NT5E: variants seen among roughly 807,000 people sequenced by gnomAD.
The protein encoded by NT5E is 5'-nucleotidase ecto.
NT5E carries 53 observed loss-of-function variants against 55.1 expected under a neutral mutation model. That is an observed-to-expected ratio of 0.96 (90% CI 0.77 to 1.21). The LOEUF (loss-of-function observed/expected upper bound fraction) is 1.21. Ranked by LOEUF, NT5E falls within the 50% of genes most tolerant of loss-of-function variation. NT5E has a pLI of 0.00. For missense variants in NT5E, 683 were observed against 724.3 expected (o/e 0.94, Z 0.65); for synonymous variants, 270 against 278.4 (o/e 0.97, Z 0.30).
intron 5 of NT5E, 78 bp downstream of exon 5, chr6:85,487,567 G>T (rs1262900940): frequency 1.3e-5 from 20 of 1,553,984 alleles, no homozygotes; most frequent in Non-Finnish European, 1.8e-5. Context: ...ATGCGAGAAG[G>T]GATAGATCGA....
chr6:85,459,893 C>T (rs1190025852), intron 1 of NT5E, among the ~76,000 whole-genome samples: 6 of 152,190 alleles, frequency 3.9e-5, no homozygotes, highest in Admixed American at 3.9e-4. Context: ...TGAAGATATT[C>T]TGAATCCAAG....
chr6:85,485,813 G>A (rs1769642844), intron 4 of NT5E, among the ~76,000 whole-genome samples: 1 of 152,198 alleles, frequency 6.6e-6, no homozygotes, highest in Non-Finnish European at 1.5e-5. Flanking sequence ...TGTGCCTTAG[G>A]CAAGTTGCCC....
intron 7 of NT5E, 64 bp from the exon 8 acceptor site, chr6:85,491,913 A>G: frequency 2.6e-6 from 4 of 1,531,624 alleles, no homozygotes; most frequent in Middle Eastern, 3.4e-4. Flanking sequence ...AGTTTGGCCA[A>G]AATTCCTTAG....
intron 7 of NT5E, among the ~76,000 whole-genome samples, chr6:85,490,878 G>A (rs931111473): frequency 2.6e-5 from 4 of 152,214 alleles, no homozygotes; most frequent in African/African-American, 7.2e-5. Context: ...GCAATAAGCA[G>A]TATTTGCCAA....
chr6:85,471,149 G>C, intron 2 of NT5E, 88 bp from the exon 3 acceptor site: 1 of 856,354 alleles, frequency 1.2e-6, no homozygotes. Flanking sequence ...GTAAATTAAG[G>C]TGTTTAACCT....
At position 85,492,081 on chromosome 6, in the gene NT5E, A is replaced by T. The variant is rs759736185; in HGVS notation, c.1465A>T (p.Met489Leu). 14 of 1,614,168 alleles carry T rather than the reference A, an allele frequency of 8.7e-6. No individual in the cohort carries two copies. The Admixed American group carries it at 2.3e-4, about 27-fold the overall frequency. Residue 489 changes from methionine to leucine, a missense_variant, in exon 8 of 9, where the codon ATG (methionine) becomes TTG (leucine). Transcript: ENST00000257770. Reference sequence around the variant, plus strand: ...AGTGCCCAGTTATGACCCTCTCAAAATGGACGAGGTATATAAGGTGATCCT... The same window carrying T: ...AGTGCCCAGTTATGACCCTCTCAAATTGGACGAGGTATATAAGGTGATCCT... ...CRVPSYDPLKMDEVYKVILPN... is the reference protein window; with the variant it reads ...CRVPSYDPLKLDEVYKVILPN...
intron 1 of NT5E, among the ~76,000 whole-genome samples, chr6:85,459,224 A>T (rs1366865133): frequency 6.6e-6 from 1 of 152,138 alleles, no homozygotes; most frequent in Non-Finnish European, 1.5e-5. Context: ...TTGCCTCCCA[A>T]AATGCTGGGA....
chr6:85,454,884 A>AC (rs1423970978), intron 1 of NT5E, among the ~76,000 whole-genome samples: 1 of 152,168 alleles, frequency 6.6e-6, no homozygotes, highest in African/African-American at 2.4e-5. Context: ...GAACCAGCTT[A>AC]CCTCTGAGGT....
intron 1 of NT5E, among the ~76,000 whole-genome samples, chr6:85,451,603 A>G (rs139401620): frequency 2.6e-4 from 39 of 152,300 alleles, no homozygotes; most frequent in African/African-American, 8.7e-4. Flanking sequence ...GGAGAAGAAA[A>G]AAGAGCTTTG....
In NT5E at chr6:85,471,352, T is replaced by C; in HGVS notation, c.678T>C (p.Asp226=). 1 of 1,613,244 alleles carries C rather than the reference T, an allele frequency of 6.2e-7. No homozygotes were observed. The highest frequency in any genetic ancestry group is 8.5e-7 in the Non-Finnish European group (1 of 1,179,374). ...TGGGACATTCGGGTTTTGAAATGGA[T>C]AAACTCATCGCTCAGAAAGTGAGGG... ...IALGHSGFEM[D]KLIAQKVRGV... is the part of the protein sequence containing the mutation. The change falls in exon 3 of 9, where the codon GAT becomes GAC. Residue 226 remains aspartate (D), a synonymous_variant. Coordinates refer to ENST00000257770, the MANE Select transcript of NT5E (RefSeq NM_002526.4).
At chr6:85,490,265 A>G (rs1454772792) in intron 6 of NT5E, among the ~76,000 whole-genome samples, 1 of 152,216 alleles carries the variant, frequency 6.6e-6, no homozygotes, top group African/African-American at 2.4e-5. Flanking sequence ...GAGCATGGTG[A>G]ACTTCTGAGG....
At chr6:85,462,609 T>C (rs1769118219) in intron 1 of NT5E, among the ~76,000 whole-genome samples, 1 of 152,208 alleles carries the variant, frequency 6.6e-6, no homozygotes, top group African/African-American at 2.4e-5. Flanking sequence ...AGATTGACCC[T>C]ATGTTCTCTG....
At position 85,458,391 on chromosome 6, in the gene NT5E, T is replaced by C. The variant is rs141422975; in HGVS notation, c.339+7913T>C. On this transcript the variant is annotated intron_variant, in intron 1 of 8. Transcript: ENST00000257770. ...CTGCTTCCTCTTTTTCAGTCTAAAT[T>C]CCAGAGCAGAGAGGTGCTGGATGAC... is the stretch of plus-strand genomic sequence containing the variant. 3.3e-3 allele frequency among the ~76,000 whole-genome samples: 500 copies of C among 152,310 alleles called. 2 individuals carry two copies. Among genetic ancestry groups the C allele is most frequent in the African/African-American group, 0.011 (471 of 41,568 alleles).
intron 2 of NT5E, among the ~76,000 whole-genome samples, chr6:85,470,460 TA>T (rs1338928273): frequency 6.6e-6 from 1 of 152,226 alleles, no homozygotes; most frequent in African/African-American, 2.4e-5. Flanking sequence ...TATATTTATA[TA>T]TTTTTTGAGG....
chr6:85,480,557 C>T (rs145452322), intron 3 of NT5E, among the ~76,000 whole-genome samples: 2 of 152,276 alleles, frequency 1.3e-5, no homozygotes, highest in East Asian at 1.9e-4. Flanking sequence ...GAAGCAGAGA[C>T]AGCAGCCAGG....
At chr6:85,464,873 G>A (rs1169270452) in intron 1 of NT5E, among the ~76,000 whole-genome samples, 2 of 152,134 alleles carry the variant, frequency 1.3e-5, no homozygotes, top group South Asian at 2.1e-4. Flanking sequence ...CACCGCACCA[G>A]GGCTTCTGGC....
chr6:85,453,073 G>A (rs1203059204), intron 1 of NT5E, among the ~76,000 whole-genome samples: 1 of 152,140 alleles, frequency 6.6e-6, no homozygotes, highest in Non-Finnish European at 1.5e-5. Context: ...TTGCTGTAGA[G>A]GACCCAGGGC....
intron 1 of NT5E, among the ~76,000 whole-genome samples, chr6:85,458,817 C>A (rs892793479): frequency 6.6e-6 from 1 of 152,150 alleles, no homozygotes; most frequent in Non-Finnish European, 1.5e-5. Context: ...GTACGTCCCC[C>A]CTCCCCAAAC....
At chr6:85,474,764 T>A (rs1053011934) in intron 3 of NT5E, among the ~76,000 whole-genome samples, 6 of 152,066 alleles carry the variant, frequency 3.9e-5, no homozygotes, top group Admixed American at 3.9e-4. Flanking sequence ...CCCCCATATC[T>A]ACAAAAAAAA....
Sources: gnomAD v4.1 joint callset for allele counts (sites outside exome capture counted in the v4.1 genomes callset) on GRCh38, gnomAD v4.1.1 for gene constraint, MANE v1.5 for transcripts, NCBI Gene and HGNC (gene_info 2026-07-23, HGNC 2026-07-21) for gene names.